GRIPAP1: variants seen among roughly 807,000 people sequenced by gnomAD.
GRIPAP1 encodes GRIP1-associated protein 1.
A neutral mutation model predicts 84.1 loss-of-function variants in GRIPAP1; 14 were observed. That is an observed-to-expected ratio of 0.17 (90% confidence interval 0.11 to 0.26). The LOEUF is 0.26. Ranked by LOEUF, GRIPAP1 falls within the 10% of genes least tolerant of loss-of-function variation. The pLI is 1.00. For missense variants in GRIPAP1, 518 were observed against 674.2 expected, an observed-to-expected ratio of 0.77 and a Z score of 2.57; for synonymous variants, 261 against 256.8, an observed-to-expected ratio of 1.02 and a Z score of -0.15.
intron 21 of GRIPAP1, among the ~76,000 whole-genome samples, chrX:48,979,999 G>A (rs1452265584): frequency 1.8e-5 from 2 of 111,368 alleles, no homozygotes; most frequent in Non-Finnish European, 3.8e-5. Flanking sequence ...TTGATTTGGT[G>A]AGAGATACAC....
chrX:48,985,525 G>A, intron 13 of GRIPAP1, 123 bp from the exon 14 acceptor site: 1 of 540,468 alleles, frequency 1.9e-6, no homozygotes, highest in Non-Finnish European at 3.1e-6. Context: ...GGAAGAGAGA[G>A]GAAATTTCAA....
intron 14 of GRIPAP1, 104 bp downstream of exon 14, chrX:48,985,164 C>A: frequency 1.5e-6 from 1 of 666,396 alleles, no homozygotes; most frequent in Non-Finnish European, 2.3e-6. Context: ...CAGACTGGAA[C>A]CTAGGTCCTC....
At position 48,995,890 on chromosome X, in the gene GRIPAP1, C is replaced by T. The variant is rs782619874; in HGVS notation, c.306+1360G>A. Among the ~76,000 whole-genome samples, 575 of 111,464 alleles carry T rather than the reference C, an allele frequency of 5.2e-3. 4 individuals carry two copies. The highest frequency in any genetic ancestry group is 8.5e-3 in the Non-Finnish European group (452 of 53,061). On this transcript the variant is annotated intron_variant, in intron 5 of 25. Coordinates refer to ENST00000376423, the MANE Select transcript of GRIPAP1 (RefSeq NM_020137.5). ...GATTACAGGCCTGAGCCACCACGCC[C>T]GGCCATAAAACTTTTAAAAAGTCAA...
chrX:48,976,425 G>A (rs1557060544), intron 22 of GRIPAP1, 62 bp from the exon 23 acceptor site: 1 of 1,139,587 alleles, frequency 8.8e-7, no homozygotes, highest in African/African-American at 1.8e-5. Context: ...CCAGACAGGT[G>A]TCAGGGACTG....
chrX:48,988,041 C>T, intron 12 of GRIPAP1, 80 bp downstream of exon 12: 1 of 798,617 alleles, frequency 1.3e-6, no homozygotes, highest in South Asian at 2.2e-5. Flanking sequence ...ATCCCTGGGA[C>T]CTTGCCTGAC....
At chrX:48,994,219 C>CTTTTTTTT (rs200273142) in intron 5 of GRIPAP1, among the ~76,000 whole-genome samples, 1 of 95,178 alleles carries the variant, frequency 1.1e-5, no homozygotes, top group African/African-American at 4.3e-5. Flanking sequence ...TATTTTCTTT[C>CTTTTTTTT]TTTTTTTTTT....
intron 1 of GRIPAP1, among the ~76,000 whole-genome samples, chrX:48,999,754 C>T (rs1462352409): frequency 1.8e-5 from 2 of 111,136 alleles, no homozygotes; most frequent in Non-Finnish European, 3.8e-5. Context: ...CCACGCTGCA[C>T]TCAGGCCATC....
chrX:48,983,657 G>C, intron 15 of GRIPAP1, 118 bp downstream of exon 15: 1 of 583,692 alleles, frequency 1.7e-6, no homozygotes, highest in African/African-American at 2.2e-5. Context: ...CCAGAAACCA[G>C]TCAATTTTCC....
At chrX:48,980,908 G>A in intron 21 of GRIPAP1, 1 of 304,811 alleles carries the variant, frequency 3.3e-6, no homozygotes, top group Non-Finnish European at 5.7e-6. Context: ...AGAGAGAAAA[G>A]GAGAAAACTA....
intron 17 of GRIPAP1, among the ~76,000 whole-genome samples, chrX:48,982,357 T>A (rs1827300684): frequency 8.9e-6 from 1 of 112,294 alleles, no homozygotes; most frequent in Non-Finnish European, 1.9e-5. Context: ...CAGTGTATTA[T>A]GAGATTTCCA....
intron 21 of GRIPAP1, among the ~76,000 whole-genome samples, chrX:48,978,992 AAG>A (rs1322248720): frequency 1.8e-5 from 2 of 110,718 alleles, no homozygotes; most frequent in Non-Finnish European, 3.8e-5. Context: ...AGGTTGGAGA[AAG>A]AGAACGACAT....
rs782348050 is a variant in GRIPAP1 at position 48,981,674 on chromosome X, T to C, written c.1695A>G (p.Leu565=). The change falls in exon 19 of 26, where the codon CTA becomes CTG. Residue 565 remains leucine, a synonymous_variant. Transcript: ENST00000376423. ...AAELKGKEEE[L]QDVRDQLEQA... The stretch of plus-strand genomic sequence containing the variant: ...GCTCGAGCTGATCCCGTACATCCTG[T>C]AGCTCCTCCTCCTTGCCCTGCAAAG... The C allele has an allele frequency of 4.9e-5, 59 of 1,207,561 alleles. No individual in the cohort carries two copies. The South Asian group carries it at 9.8e-4, about 20-fold the overall frequency.
chrX:48,978,349 G>A lies in GRIPAP1; in HGVS notation c.2017C>T (p.Arg673Trp). 1.7e-6 allele frequency: 2 copies of A among 1,208,216 alleles called. No individual in the cohort carries two copies. Among genetic ancestry groups the A allele is most frequent in the Non-Finnish European group, 2.2e-6 (2 of 893,278 alleles). ...CTCTCCTTTTCCCGCAAGATCTCCC[G>A]GTAGCTGAAGGAGGAGATGCTACTG... ...DSSSISSFSY[R>W]EILREKESSA... The change falls in exon 22 of 26, where the codon CGG (arginine) becomes TGG (tryptophan). Residue 673 changes from arginine to tryptophan, a missense_variant. Physicochemically the swap from Arg to Trp is moderately radical, Grantham distance 101. Transcript: ENST00000376423.
In GRIPAP1 at chrX:48,975,140, G is replaced by A; in HGVS notation, c.2433+15C>T. ...GCTGGGTGAACAGATGGGTAGGCTGGCAGGCCACACTTGCCTTGTGCAAGT... is the reference window on the plus strand; with the variant it reads ...GCTGGGTGAACAGATGGGTAGGCTGACAGGCCACACTTGCCTTGTGCAAGT... On this transcript the variant is annotated intron_variant, in intron 25 of 25. Coordinates refer to ENST00000376423, the MANE Select transcript of GRIPAP1 (RefSeq NM_020137.5). 8.3e-7 allele frequency: 1 copy of A among 1,199,878 alleles called. No homozygotes were observed. The highest frequency in any genetic ancestry group is 1.1e-6 in the Non-Finnish European group (1 of 887,628).
chrX:48,981,153 C>T (rs782746966), intron 21 of GRIPAP1, 62 bp downstream of exon 21: 9 of 900,685 alleles, frequency 1.0e-5, no homozygotes, highest in Non-Finnish European at 1.3e-5. Flanking sequence ...AACCTGCAGC[C>T]TGCAGGCCCA....
chrX:48,984,362 C>T (rs374218773), intron 14 of GRIPAP1, among the ~76,000 whole-genome samples: 7 of 111,181 alleles, frequency 6.3e-5, no homozygotes, highest in Middle Eastern at 4.6e-3. Context: ...GGAAAGCCAT[C>T]ATTCCATCCC....
chrX:48,978,495 C>A, intron 21 of GRIPAP1, 60 bp from the exon 22 acceptor site: 2 of 1,041,797 alleles, frequency 1.9e-6, no homozygotes, highest in Non-Finnish European at 2.6e-6. Context: ...AGGGCAGCAA[C>A]CAGCAGGAAG....
chrX:49,000,164 A>C (rs1270937999), intron 1 of GRIPAP1, among the ~76,000 whole-genome samples: 1 of 108,322 alleles, frequency 9.2e-6, no homozygotes, highest in Non-Finnish European at 1.9e-5. Flanking sequence ...AGGAATTCAA[A>C]ATCAGCCTGC....
chrX:48,987,717 T>C (rs782436287), intron 13 of GRIPAP1, 68 bp downstream of exon 13: 25 of 666,056 alleles, frequency 3.8e-5, no homozygotes, highest in Non-Finnish European at 5.8e-5. Flanking sequence ...TACCCTGATG[T>C]GGACCAGAAG....
Sources: gnomAD v4.1 joint callset for allele counts (sites outside exome capture counted in the v4.1 genomes callset) on GRCh38, gnomAD v4.1.1 for gene constraint, MANE v1.5 for transcripts, NCBI Gene and HGNC (gene_info 2026-07-23, HGNC 2026-07-21) for gene names.